Variants in LIFR observed in about 807,000 individuals in gnomAD.
LIFR encodes LIF receptor subunit alpha.
Under a neutral mutation model 122.2 loss-of-function variants are expected in LIFR, and 84 were observed. That is an observed-to-expected ratio of 0.69 (90% CI 0.58 to 0.82). The LOEUF is 0.82. Ranked by LOEUF, LIFR falls within the 40% of genes least tolerant of loss-of-function variation. The probability of loss-of-function intolerance (pLI) is 0.00; values close to 1 mark genes in which losing one functional copy is unlikely to be tolerated. For synonymous variants in LIFR, 422 were observed against 434.7 expected (o/e 0.97, Z 0.36); for missense variants, 1,294 against 1,311.6 (o/e 0.99, Z 0.21).
At chr5:38,564,773 C>CACACACACACAT (rs1748961243) in intron 1 of LIFR, among the ~76,000 whole-genome samples, 1 of 129,782 alleles carries the variant, frequency 7.7e-6, no homozygotes, top group South Asian at 2.5e-4. Flanking sequence ...CACACACACA[C>CACACACACACAT]ACACATATAT....
At chr5:38,485,767 G>C (rs373492798) in intron 17 of LIFR, 52 bp downstream of exon 17, 6 of 1,596,130 alleles carry the variant, frequency 3.8e-6, no homozygotes, top group Middle Eastern at 3.3e-4. Flanking sequence ...AGAATCACTA[G>C]AACACTACGC....
intron 7 of LIFR, among the ~76,000 whole-genome samples, chr5:38,508,581 T>G (rs2112481913): frequency 6.6e-6 from 1 of 151,820 alleles, no homozygotes; most frequent in East Asian, 1.9e-4. Flanking sequence ...AATTTCTTTT[T>G]CTTTTTTTTT....
At chr5:38,517,681 C>G (rs1302788712) in intron 5 of LIFR, among the ~76,000 whole-genome samples, 2 of 151,438 alleles carry the variant, frequency 1.3e-5, no homozygotes, top group African/African-American at 4.9e-5. Flanking sequence ...CACGGTGAAA[C>G]CCCATCTCCA....
intron 1 of LIFR, chr5:38,607,991 C>T (rs1750366187): frequency 6.6e-6 from 1 of 152,152 alleles, no homozygotes; most frequent in Admixed American, 6.5e-5. Context: ...TGAGAGGGCG[C>T]TTCTTTCAGA....
In LIFR at chr5:38,523,474, T is replaced by C; in HGVS notation, c.506A>G (p.Asn169Ser). 1.9e-6 allele frequency: 3 copies of C among 1,613,614 alleles called. No homozygotes were observed. The highest frequency in any genetic ancestry group is 2.5e-6 in the Non-Finnish European group (3 of 1,179,742). The change falls in exon 5 of 20, where the codon AAT becomes AGT. Residue 169 changes from asparagine (N) to serine (S), a missense_variant. Physicochemically the swap from Asn to Ser is conservative, Grantham distance 46. Coordinates refer to ENST00000453190, the MANE Select transcript of LIFR (RefSeq NM_001127671.2). ...DRGSVFPHRSNVIWEIKVLRK... is the reference protein window; with the variant it reads ...DRGSVFPHRSSVIWEIKVLRK... ...TAGAACTTTAATTTCCCAGATAACA[T>C]TTGAGCGGTGTGGAAAAACTGAACC...
intron 5 of LIFR, among the ~76,000 whole-genome samples, chr5:38,514,729 G>A (rs1745984385): frequency 6.6e-6 from 1 of 152,066 alleles, no homozygotes; most frequent in Non-Finnish European, 1.5e-5. Flanking sequence ...AAAAATACTT[G>A]GAAAAAAATT....
Position 38,605,290 on chromosome 5 carries a change from C to T in LIFR, n.305+915G>A, listed in dbSNP as rs147199680. On this transcript the variant is annotated intron_variant and non_coding_transcript_variant, in intron 2 of 3. Coordinates refer to the LIFR transcript ENST00000507786. ...CTATATTTCCCATTTTGCATAGAGG[C>T]AGGCACCACATAGAGACTAAGAGCA... 4.9e-3 allele frequency among the ~76,000 whole-genome samples: 739 copies of T among 152,228 alleles called. 4 individuals are homozygous for T. Among genetic ancestry groups the T allele is most frequent in the Non-Finnish European group, 7.4e-3 (506 of 68,002 alleles).
chr5:38,495,977 G>C (rs1041273818), intron 13 of LIFR, among the ~76,000 whole-genome samples: 1 of 143,964 alleles, frequency 6.9e-6, no homozygotes, highest in Non-Finnish European at 1.5e-5. Context: ...TAAAATAAGC[G>C]TTTTTTTTTT....
At chr5:38,513,198 TAA>T (rs2112503825) in intron 5 of LIFR, among the ~76,000 whole-genome samples, 1 of 152,258 alleles carries the variant, frequency 6.6e-6, no homozygotes, top group South Asian at 2.1e-4. Context: ...GCAACATCAC[TAA>T]AATCTGGAAG....
At chr5:38,595,688 CCTT>C (rs1270169846), upstream of LIFR, among the ~76,000 whole-genome samples, 2 of 150,792 alleles carry the variant, frequency 1.3e-5, no homozygotes, top group Non-Finnish European at 2.9e-5. Context: ...GCCAATCTAA[CCTT>C]CTAGTATTAG....
At chr5:38,598,629 C>T (rs116138548), upstream of LIFR, among the ~76,000 whole-genome samples, 131 of 152,160 alleles carry the variant, frequency 8.6e-4, 1 homozygote, top group African/African-American at 3.0e-3. Context: ...CTGCATCACC[C>T]GCTCCTGCCC....
chr5:38,489,320 TCTAGC>T lies in LIFR; in HGVS notation c.2168-80_2168-76del, dbSNP rs1483606624. 5.3e-6 allele frequency: 6 copies of T among 1,129,856 alleles called. No homozygotes were observed. In the African/African-American group the frequency reaches 9.2e-5, roughly 17 times the overall value. 70.0% of individuals were successfully genotyped at this position (1,129,856 alleles called of 1,614,324 possible). On this transcript the variant is annotated intron_variant, in intron 15 of 19. Transcript: ENST00000453190. The stretch of plus-strand genomic sequence containing the variant: ...TAATACAGTAATGTTTCCTGAGCTT[TCTAGC>T]CTCAAAAATAATTCAACTTGGAATT...
At chr5:38,517,338 T>C (rs73749269) in intron 5 of LIFR, among the ~76,000 whole-genome samples, 4,710 of 152,250 alleles carry the variant, frequency 0.031, 225 homozygotes, top group African/African-American at 0.1. Flanking sequence ...ATATTGCCAC[T>C]TTACAAAAGA....
Position 38,547,870 on chromosome 5 carries a change from G to A in LIFR, c.-20+8464C>T, listed in dbSNP as rs918048447. ...TCCTAAGGCTATAAATCTGTGCACCGTTACTGTACTGAATACTGAAGGCAA... is the reference window on the plus strand; with the variant it reads ...TCCTAAGGCTATAAATCTGTGCACCATTACTGTACTGAATACTGAAGGCAA... On this transcript the variant is annotated intron_variant, in intron 1 of 19. Transcript: ENST00000453190. 3.3e-5 allele frequency among the ~76,000 whole-genome samples: 5 copies of A among 152,154 alleles called. No homozygotes were observed. The South Asian group carries it at 6.2e-4, about 19-fold the overall frequency.
intron 1 of LIFR, among the ~76,000 whole-genome samples, chr5:38,553,976 A>G (rs1748381697): frequency 6.6e-6 from 1 of 152,032 alleles, no homozygotes; most frequent in South Asian, 2.1e-4. Flanking sequence ...ACCATATTAT[A>G]CTAACATTAA....
chr5:38,511,118 T>G (rs746840213), intron 6 of LIFR, among the ~76,000 whole-genome samples: 16 of 152,168 alleles, frequency 1.1e-4, no homozygotes, highest in Admixed American at 1.3e-4. Flanking sequence ...AATAATTCCA[T>G]TCCTTTTATT....
intron 1 of LIFR, among the ~76,000 whole-genome samples, chr5:38,590,492 G>A (rs1400538307): frequency 1.3e-5 from 2 of 152,208 alleles, no homozygotes; most frequent in East Asian, 1.9e-4. Flanking sequence ...CAGTGGTCCT[G>A]TGATATTTTA....
chr5:38,528,964 G>A (rs1580122087), intron 2 of LIFR, 124 bp from the exon 3 acceptor site: 5 of 662,362 alleles, frequency 7.5e-6, no homozygotes, highest in Non-Finnish European at 1.4e-5. Flanking sequence ...AAGCATGTGT[G>A]TCTGCAGAGA....
chr5:38,591,477 A>G (rs1204143229), intron 1 of LIFR, among the ~76,000 whole-genome samples: 1 of 152,156 alleles, frequency 6.6e-6, no homozygotes, highest in Non-Finnish European at 1.5e-5. Flanking sequence ...CTCCACACTA[A>G]TGTTTTGGAC....
Sources: allele counts gnomAD v4.1 joint callset (sites outside exome capture counted in the v4.1 genomes callset), GRCh38; gene constraint gnomAD v4.1.1; transcripts MANE v1.5; gene names NCBI Gene and HGNC (gene_info 2026-07-23, HGNC 2026-07-21).